Variants in LHFPL1 observed in about 807,000 individuals in gnomAD.
LHFPL1 encodes the protein LHFPL tetraspan subfamily member 1, also known as LHFPL tetraspan subfamily member 1 protein.
Under a neutral mutation model 12.1 loss-of-function variants are expected in LHFPL1, and 4 were observed. The ratio of observed to expected loss-of-function variants is 0.33; its 90% CI spans 0.16 to 0.76. The LOEUF is 0.76. LHFPL1 is among the 30% of genes least tolerant of loss of function. The probability of loss-of-function intolerance (pLI) is 0.61; values close to 1 mark genes in which losing one functional copy is unlikely to be tolerated. For missense variants in LHFPL1, 141 were observed against 174.1 expected (o/e 0.81, Z 1.07); for synonymous variants, 52 against 61.9 (o/e 0.84, Z 0.75).
intron 3 of LHFPL1, among the ~76,000 whole-genome samples, chrX:112,653,209 C>A (rs956177965): frequency 9.0e-6 from 1 of 111,716 alleles, no homozygotes; most frequent in Admixed American, 9.5e-5. Context: ...GAAGCCTATG[C>A]AAGCATTCAA....
At chrX:112,678,212 A>G (rs928708123) in intron 1 of LHFPL1, among the ~76,000 whole-genome samples, 4 of 111,611 alleles carry the variant, frequency 3.6e-5, no homozygotes, top group African/African-American at 1.3e-4. Context: ...TGAGACTGGA[A>G]AGGTAGGAAC....
At chrX:112,646,363 T>TGGGGGGGGGGGGGGGGGGG (rs1930688229) in intron 3 of LHFPL1, among the ~76,000 whole-genome samples, 1 of 46,488 alleles carries the variant, frequency 2.2e-5, no homozygotes, top group African/African-American at 8.9e-5. Flanking sequence ...GGAGGGGGGG[T>TGGGGGGGGGGGGGGGGGGG]GCGGGGGCTG....
At chrX:112,643,537 T>C (rs1327344336) in intron 3 of LHFPL1, among the ~76,000 whole-genome samples, 2 of 110,988 alleles carry the variant, frequency 1.8e-5, no homozygotes, top group Non-Finnish European at 3.8e-5. Flanking sequence ...CAGATGCTTA[T>C]AAAGTCATCA....
intron 2 of LHFPL1, among the ~76,000 whole-genome samples, chrX:112,663,258 T>C (rs1252572993): frequency 2.7e-5 from 3 of 112,383 alleles, no homozygotes; most frequent in African/African-American, 9.7e-5. Flanking sequence ...CTGTAATATA[T>C]ATTCTTTACA....
At chrX:112,655,098 G>A (rs1248616531) in intron 3 of LHFPL1, among the ~76,000 whole-genome samples, 1 of 111,986 alleles carries the variant, frequency 8.9e-6, no homozygotes, top group African/African-American at 3.2e-5. Flanking sequence ...ATGACTCAGA[G>A]CTCCAAGAGA....
chrX:112,634,735 C>G (rs1278991433), intron 3 of LHFPL1, among the ~76,000 whole-genome samples: 1 of 111,358 alleles, frequency 9.0e-6, no homozygotes, highest in Non-Finnish European at 1.9e-5. Context: ...CCAGGTATCA[C>G]TGAGCTAGGA....
intron 3 of LHFPL1, among the ~76,000 whole-genome samples, chrX:112,648,411 GCCA>G (rs1450393864): frequency 9.0e-6 from 1 of 111,602 alleles, no homozygotes; most frequent in African/African-American, 3.3e-5. Context: ...TGGTTAAAAT[GCCA>G]CATTTCTCTG....
chrX:112,660,603 T>C (rs748838027), intron 3 of LHFPL1, 24 bp downstream of exon 3: 1 of 1,148,323 alleles, frequency 8.7e-7, no homozygotes, highest in East Asian at 3.0e-5. Flanking sequence ...GAACCATCAC[T>C]GCCATCTGCC....
intron 1 of LHFPL1, among the ~76,000 whole-genome samples, chrX:112,675,159 G>T (rs1378344573): frequency 9.0e-6 from 1 of 111,322 alleles, no homozygotes; most frequent in Non-Finnish European, 1.9e-5. Context: ...TACAAATACG[G>T]TGCAGTGTAT....
chrX:112,652,876 G>A (rs964708383), intron 3 of LHFPL1, among the ~76,000 whole-genome samples: 4 of 111,982 alleles, frequency 3.6e-5, no homozygotes, highest in South Asian at 3.8e-4. Flanking sequence ...TGAATTTAAC[G>A]TTCATAGCAC....
At chrX:112,676,583 A>G in intron 1 of LHFPL1, among the ~76,000 whole-genome samples, 1 of 112,194 alleles carries the variant, frequency 8.9e-6, no homozygotes, top group Non-Finnish European at 1.9e-5. Flanking sequence ...TGAATTTGCT[A>G]TCCTTACTAA....
intron 3 of LHFPL1, among the ~76,000 whole-genome samples, chrX:112,659,402 A>G (rs1380292208): frequency 9.0e-6 from 1 of 110,612 alleles, no homozygotes; most frequent in Non-Finnish European, 1.9e-5. Context: ...AGAGGTTGTA[A>G]TGACCTGAGA....
intron 2 of LHFPL1, among the ~76,000 whole-genome samples, chrX:112,663,885 GT>G (rs776183441): frequency 1.1e-3 from 119 of 111,108 alleles, no homozygotes; most frequent in African/African-American, 3.5e-3. Context: ...AGCTGTGTGA[GT>G]TTACGCAAGT....
intron 2 of LHFPL1, among the ~76,000 whole-genome samples, chrX:112,661,950 G>A (rs1173915976): frequency 2.7e-5 from 3 of 112,109 alleles, no homozygotes; most frequent in African/African-American, 6.5e-5. Context: ...ATTGGTAGAG[G>A]GAGAGAATAG....
intron 3 of LHFPL1, among the ~76,000 whole-genome samples, chrX:112,652,948 T>G (rs898966792): frequency 6.3e-5 from 7 of 111,821 alleles, no homozygotes; most frequent in Admixed American, 1.9e-4. Flanking sequence ...TGTAGTTACT[T>G]CTGGAGGCAC....
rs150359706 is a variant in LHFPL1, at chrX:112,652,020, C to T, written c.481+8607G>A. On this transcript the variant is annotated intron_variant, in intron 3 of 3. Coordinates refer to ENST00000371968, the MANE Select transcript of LHFPL1 (RefSeq NM_178175.4). ...AGTACCCAAATACAACATGTGCTTT[C>T]GCACATTAGAGCCTTTATAGCATTC... is the stretch of plus-strand genomic sequence containing the variant. 6.8e-3 allele frequency among the ~76,000 whole-genome samples: 772 copies of T among 113,007 alleles called. 19 individuals are homozygous for T. Among genetic ancestry groups the T allele is most frequent in the Admixed American group, 0.059 (629 of 10,709 alleles).
chrX:112,631,396 C>T lies in LHFPL1; in HGVS notation c.*24G>A. 1 of 1,187,238 alleles carries T rather than the reference C, an allele frequency of 8.4e-7. No individual in the cohort carries two copies. Among genetic ancestry groups the T allele is most frequent in the Non-Finnish European group, 1.1e-6 (1 of 878,463 alleles). On this transcript the variant is annotated 3_prime_UTR_variant, in exon 4 of 4. Transcript: ENST00000371968. ...CAGGGCTCCCTCCTCCCCTTTCCCA[C>T]CCTCTCCAATCTTCTTTCAAAGCTC... is the stretch of plus-strand genomic sequence containing the variant.
chrX:112,676,401 T>C (rs777187423), intron 1 of LHFPL1, among the ~76,000 whole-genome samples: 10 of 111,808 alleles, frequency 8.9e-5, no homozygotes, highest in Non-Finnish European at 1.5e-4. Flanking sequence ...TTACCAGGCA[T>C]TGATAGGATT....
At chrX:112,638,174 T>C (rs1215616840) in intron 3 of LHFPL1, among the ~76,000 whole-genome samples, 2 of 111,874 alleles carry the variant, frequency 1.8e-5, no homozygotes, top group Non-Finnish European at 3.8e-5. Flanking sequence ...GCATTTGTTT[T>C]TTCGTCTAAT....
Sources: gnomAD v4.1 joint callset for allele counts (sites outside exome capture counted in the v4.1 genomes callset) on GRCh38, gnomAD v4.1.1 for gene constraint, MANE v1.5 for transcripts, NCBI Gene and HGNC (gene_info 2026-07-23, HGNC 2026-07-21) for gene names.